PARN: variants seen among roughly 807,000 people sequenced by gnomAD.
The protein encoded by PARN is poly(A)-specific ribonuclease PARN.
PARN carries 71 observed loss-of-function variants against 102.8 expected under a neutral mutation model. The ratio of observed to expected loss-of-function variants is 0.69; its 90% CI spans 0.57 to 0.84. The LOEUF (loss-of-function observed/expected upper bound fraction) is 0.84. PARN is among the 40% of genes least tolerant of loss of function. The pLI, the probability that PARN is intolerant of heterozygous loss-of-function variation, is 0.00. For missense variants in PARN, 782 were observed against 760.9 expected (o/e 1.03, Z -0.33); for synonymous variants, 261 against 252.9 (o/e 1.03, Z -0.30).
intron 20 of PARN, among the ~76,000 whole-genome samples, chr16:14,553,188 C>T (rs1461744661): frequency 2.9e-5 from 4 of 139,116 alleles, no homozygotes; most frequent in South Asian, 2.3e-4. Flanking sequence ...GAGTCCGAGG[C>T]GGGAGGATCA....
intron 22 of PARN, among the ~76,000 whole-genome samples, chr16:14,478,593 T>TA (rs1291832026): frequency 1.1e-4 from 16 of 152,208 alleles, no homozygotes; most frequent in African/African-American, 3.6e-4. Flanking sequence ...CTAAAGGTGC[T>TA]AGTCAGTGCA....
rs191186856 is a variant in PARN at position 14,519,396 on chromosome 16, A to C, written c.1480+32625T>G. On this transcript the variant is annotated intron_variant, in intron 21 of 23. Coordinates refer to ENST00000437198, the MANE Select transcript of PARN (RefSeq NM_002582.4). The stretch of plus-strand genomic sequence containing the variant: ...ACATTTTCTGAGCTCTGTCTGTTGT[A>C]AAGCTCAGAAACAATAACCAACCCA... 2.3e-3 allele frequency among the ~76,000 whole-genome samples: 352 copies of C among 151,484 alleles called. 2 individuals are homozygous for C. Among genetic ancestry groups the C allele is most frequent in the South Asian group, 4.2e-3 (20 of 4,760 alleles).
At chr16:14,519,657 A>C (rs1176597608) in intron 21 of PARN, among the ~76,000 whole-genome samples, 1 of 152,052 alleles carries the variant, frequency 6.6e-6, no homozygotes, top group African/African-American at 2.4e-5. Context: ...CAAAACTGTG[A>C]CTGACTAAAT....
intron 13 of PARN, among the ~76,000 whole-genome samples, chr16:14,591,562 G>C (rs568685540): frequency 2.6e-5 from 4 of 152,306 alleles, no homozygotes; most frequent in African/African-American, 9.6e-5. Context: ...CAGTGGCAGA[G>C]CTAAGAGTTG....
intron 18 of PARN, among the ~76,000 whole-genome samples, chr16:14,571,236 T>A (rs1201652700): frequency 6.6e-6 from 1 of 151,384 alleles, no homozygotes; most frequent in African/African-American, 2.4e-5. Flanking sequence ...ATACAAAAAT[T>A]AGCTAGGAGT....
chr16:14,554,534 G>A (rs558149889), intron 19 of PARN, among the ~76,000 whole-genome samples: 4 of 151,668 alleles, frequency 2.6e-5, no homozygotes, highest in African/African-American at 4.8e-5. Context: ...GGGTTCAAGC[G>A]ATCCTCCCAC....
chr16:14,573,401 A>G (rs1277290134), intron 18 of PARN, among the ~76,000 whole-genome samples: 1 of 152,158 alleles, frequency 6.6e-6, no homozygotes, highest in South Asian at 2.1e-4. Context: ...TGTATAACAT[A>G]TCTCTTGAAT....
rs1972964136 is a variant in PARN at position 14,630,213 on chromosome 16, G to A, written c.-88C>T. On this transcript the variant is annotated 5_prime_UTR_variant, in exon 1 of 24. Coordinates refer to ENST00000437198, the MANE Select transcript of PARN (RefSeq NM_002582.4). ...GCCGAATTCCGCGGCGACTGCGGCA[G>A]TAGCTGAGGCAGCCGCAGCGGTGAC... 5.8e-6 allele frequency: 7 copies of A among 1,210,272 alleles called. No individual in the cohort carries two copies. The highest frequency in any genetic ancestry group is 8.2e-6 in the Non-Finnish European group (7 of 849,672). 75.0% of individuals were successfully genotyped at this position (1,210,272 alleles called of 1,614,324 possible).
At chr16:14,515,964 T>C (rs757459983) in intron 21 of PARN, among the ~76,000 whole-genome samples, 7 of 151,934 alleles carry the variant, frequency 4.6e-5, no homozygotes, top group Non-Finnish European at 8.8e-5. Flanking sequence ...AATTGATAGA[T>C]AGACAGACAA....
At chr16:14,550,708 G>C (rs978684164) in intron 21 of PARN, among the ~76,000 whole-genome samples, 1 of 152,158 alleles carries the variant, frequency 6.6e-6, no homozygotes, top group Non-Finnish European at 1.5e-5. Context: ...CAGAATTATA[G>C]TTTTACTGTG....
chr16:14,597,330 T>C (rs969880435), intron 12 of PARN, among the ~76,000 whole-genome samples: 23 of 152,126 alleles, frequency 1.5e-4, no homozygotes, highest in African/African-American at 5.3e-4. Flanking sequence ...AATGACATAG[T>C]TAACTTATTA....
At chr16:14,547,410 A>T (rs1220207730) in intron 21 of PARN, among the ~76,000 whole-genome samples, 1 of 152,194 alleles carries the variant, frequency 6.6e-6, no homozygotes, top group African/African-American at 2.4e-5. Flanking sequence ...TTTCATATTC[A>T]AAATGTCGAA....
chr16:14,503,283 G>C (rs944522870), intron 21 of PARN, among the ~76,000 whole-genome samples: 1 of 152,130 alleles, frequency 6.6e-6, no homozygotes, highest in African/African-American at 2.4e-5. Context: ...ATGTCAATTT[G>C]TATTCTAGGT....
intron 18 of PARN, among the ~76,000 whole-genome samples, chr16:14,575,719 G>A (rs1382530976): frequency 6.6e-6 from 1 of 152,186 alleles, no homozygotes; most frequent in African/African-American, 2.4e-5. Context: ...TTGGGGGACT[G>A]TTGGGAAGGC....
chr16:14,556,587 G>A (rs764971616), intron 18 of PARN, among the ~76,000 whole-genome samples: 8 of 152,186 alleles, frequency 5.3e-5, no homozygotes, highest in Non-Finnish European at 7.3e-5. Flanking sequence ...GCACTCAGTA[G>A]CTGCTCAATA....
chr16:14,582,274 G>A lies in PARN; in HGVS notation c.1099C>T (p.Pro367Ser). Residue 367 changes from proline to serine, a missense_variant, in exon 17 of 24, where the codon CCA becomes TCA. By Grantham distance (74) the Pro-to-Ser change is moderately conservative. Transcript: ENST00000437198. ...TGTTCAGAGGCTGTGTCATAACTTG[G>A]AAAACCTTCGGCACTTTCTAAGAAA... is the stretch of plus-strand genomic sequence containing the variant. The part of the protein sequence containing the change: ...PPKVESAEGF[P>S]SYDTASEQLH... 1 of 1,613,258 alleles carries A rather than the reference G, an allele frequency of 6.2e-7. No homozygotes were observed. Among genetic ancestry groups the A allele is most frequent in the African/African-American group, 1.3e-5 (1 of 75,004 alleles).
At chr16:14,542,866 C>T (rs899044976) in intron 21 of PARN, among the ~76,000 whole-genome samples, 3 of 152,056 alleles carry the variant, frequency 2.0e-5, no homozygotes, top group African/African-American at 7.2e-5. Context: ...ATGTGGGTAC[C>T]TGGAGTCTCA....
intron 21 of PARN, among the ~76,000 whole-genome samples, chr16:14,534,565 C>T (rs933093170): frequency 2.3e-4 from 35 of 151,926 alleles, no homozygotes; most frequent in African/African-American, 7.0e-4. Context: ...TAATATGCTA[C>T]GATCATTTGT....
At chr16:14,593,963 C>T (rs142655670) in intron 12 of PARN, among the ~76,000 whole-genome samples, 1,533 of 151,684 alleles carry the variant, frequency 0.01, 27 homozygotes, top group African/African-American at 0.035. Context: ...CACCACTGCA[C>T]TCCAGCCTGG....
Sources: allele counts gnomAD v4.1 joint callset (sites outside exome capture counted in the v4.1 genomes callset), GRCh38; gene constraint gnomAD v4.1.1; transcripts MANE v1.5; gene names NCBI Gene and HGNC (gene_info 2026-07-23, HGNC 2026-07-21).